Variants in SLC2A9 observed in about 807,000 individuals in gnomAD.
SLC2A9 encodes solute carrier family 2 member 9.
Under a neutral mutation model 50.6 loss-of-function variants are expected in SLC2A9, and 39 were observed. The ratio of observed to expected loss-of-function variants is 0.77; its 90% confidence interval spans 0.60 to 1.01. The LOEUF (loss-of-function observed/expected upper bound fraction) is 1.01. Ranked by LOEUF, SLC2A9 falls within the 50% of genes least tolerant of loss-of-function variation. The pLI is 0.00. For synonymous variants in SLC2A9, 324 were observed against 276.9 expected (o/e 1.17, Z -1.69); for missense variants, 686 against 677.6 (o/e 1.01, Z -0.14).
chr4:9,969,472 C>A (rs567719040), intron 5 of SLC2A9, among the ~76,000 whole-genome samples: 10 of 152,266 alleles, frequency 6.6e-5, no homozygotes, highest in African/African-American at 2.4e-4. Context: ...TTGACAAATA[C>A]TCTTAAATAC....
intron 2 of SLC2A9, among the ~76,000 whole-genome samples, chr4:10,010,242 G>A (rs1266822047): frequency 1.3e-5 from 2 of 152,182 alleles, no homozygotes; most frequent in Non-Finnish European, 2.9e-5. Flanking sequence ...AGCTTCCCTG[G>A]TAGACAACAC....
chr4:9,834,862 G>A lies in SLC2A9; in HGVS notation c.1419+19C>T, dbSNP rs936796885. ...ATCAAAGGGAACCCCATGGGCAAAAGACTCCTTGTCAGTCATACCTGAATG... is the reference window on the plus strand; with the variant it reads ...ATCAAAGGGAACCCCATGGGCAAAAAACTCCTTGTCAGTCATACCTGAATG... On this transcript the variant is annotated intron_variant, in intron 11 of 11. Transcript: ENST00000264784. The A allele has an allele frequency of 1.2e-6, 2 of 1,613,994 alleles. No homozygotes were observed. Among genetic ancestry groups the A allele is most frequent in the African/African-American group, 2.7e-5 (2 of 74,920 alleles).
rs890430607 is a variant in SLC2A9, at chr4:10,018,873, C to A, written c.249+102G>T. 2.0e-5 allele frequency: 23 copies of A among 1,164,546 alleles called. No individual in the cohort carries two copies. In the East Asian group the frequency reaches 3.9e-4, roughly 20 times the overall value. The allele number at this position is 1,164,546 out of a possible 1,614,324, so 72.1% of individuals were successfully genotyped here. ...TCTCTGTCCCCGCGGTGTCCCGCGC[C>A]GCGAGCGCAACAGGAGGGGGCGCTG... On this transcript the variant is annotated intron_variant, in intron 2 of 11. Transcript: ENST00000264784.
intron 5 of SLC2A9, among the ~76,000 whole-genome samples, chr4:9,953,189 T>C (rs1381620287): frequency 6.6e-6 from 1 of 151,358 alleles, no homozygotes; most frequent in Non-Finnish European, 1.5e-5. Context: ...AAGCTTAGCT[T>C]GTGCTGTTTT....
At chr4:9,907,995 C>T (rs569265144) in intron 8 of SLC2A9, among the ~76,000 whole-genome samples, 14 of 152,146 alleles carry the variant, frequency 9.2e-5, no homozygotes, top group Admixed American at 6.5e-4. Context: ...TGAGAATTGT[C>T]GCTCTTCAGT....
At chr4:9,837,134 A>G (rs549132350) in intron 10 of SLC2A9, among the ~76,000 whole-genome samples, 14 of 152,194 alleles carry the variant, frequency 9.2e-5, no homozygotes, top group Non-Finnish European at 1.6e-4. Context: ...ATCAGGCACT[A>G]TCTCCATTTG....
chr4:9,930,498 C>T (rs114284699), intron 6 of SLC2A9, among the ~76,000 whole-genome samples: 131 of 152,284 alleles, frequency 8.6e-4, no homozygotes, highest in African/African-American at 2.8e-3. Context: ...TGGCTCCTGT[C>T]CTCACAGTCC....
At chr4:10,018,104 A>G (rs894319797) in intron 2 of SLC2A9, among the ~76,000 whole-genome samples, 4 of 152,256 alleles carry the variant, frequency 2.6e-5, no homozygotes, top group Non-Finnish European at 5.9e-5. Context: ...CTAGGTAGGC[A>G]GTACCCAACC....
chr4:10,014,104 G>C (rs1762217255), intron 2 of SLC2A9, among the ~76,000 whole-genome samples: 1 of 152,168 alleles, frequency 6.6e-6, no homozygotes, highest in African/African-American at 2.4e-5. Context: ...GCCAGGCTTG[G>C]GTCCTTCCAG....
chr4:9,942,032 G>A lies in SLC2A9; in HGVS notation c.695C>T (p.Pro232Leu). Residue 232 changes from proline to leucine, a missense_variant, in exon 6 of 12, where the codon CCA (proline) becomes CTA (leucine). Physicochemically the swap from Pro to Leu is moderately conservative, Grantham distance 98. Transcript: ENST00000264784. ...GACCACAATCACTCCAAACAGGTAT[G>A]GCCAGGTACTCTCCTGTGGGAGAAG... ...PELLGKESTW[P>L]YLFGVIVVPA... The A allele has an allele frequency of 6.2e-7, 1 of 1,614,124 alleles. No individual in the cohort carries two copies. Among genetic ancestry groups the A allele is most frequent in the Non-Finnish European group, 8.5e-7 (1 of 1,179,990 alleles).
chr4:9,924,856 G>A (rs927402231), intron 6 of SLC2A9, among the ~76,000 whole-genome samples: 2 of 152,084 alleles, frequency 1.3e-5, no homozygotes, highest in African/African-American at 2.4e-5. Context: ...CCCCTTCAGC[G>A]TCTACAGTCC....
rs28505891 is a variant in SLC2A9 at position 9,928,522 on chromosome 4, A to T, written c.815-7950T>A. Among the ~76,000 whole-genome samples, 1,122 of 152,346 alleles carry T rather than the reference A, an allele frequency of 7.4e-3. 7 individuals carry two copies. Among genetic ancestry groups the T allele is most frequent in the Middle Eastern group, 0.044 (13 of 294 alleles). On this transcript the variant is annotated intron_variant, in intron 6 of 11. Transcript: ENST00000264784. ...CAAGGCAGGCAGATCACCCGAGGTCAGGAGTTTGAGACCAGCCTGGCCAAC... is the reference window on the plus strand; with the variant it reads ...CAAGGCAGGCAGATCACCCGAGGTCTGGAGTTTGAGACCAGCCTGGCCAAC...
chr4:9,964,495 A>C (rs565936251), intron 5 of SLC2A9, among the ~76,000 whole-genome samples: 1 of 152,322 alleles, frequency 6.6e-6, no homozygotes, highest in Non-Finnish European at 1.5e-5. Flanking sequence ...TGGCTACAGA[A>C]AATGCCTGGG....
At chr4:9,928,490 G>A (rs1358540572) in intron 6 of SLC2A9, among the ~76,000 whole-genome samples, 1 of 152,224 alleles carries the variant, frequency 6.6e-6, no homozygotes, top group Non-Finnish European at 1.5e-5. Flanking sequence ...CCAGCACTTT[G>A]GGAGGCCAAG....
Position 9,950,892 on chromosome 4 carries a change from CAAAAAAAAA to C in SLC2A9, c.682-8856_682-8848del, listed in dbSNP as rs764863059. Among the ~76,000 whole-genome samples the C allele has an allele frequency of 1.4e-3, 16 of 11,552 alleles. 3 individuals are homozygous for C. The highest frequency in any genetic ancestry group is 4.4e-3 in the African/African-American group (14 of 3,212). The allele number at this position is 11,552 out of a possible 152,430, so 7.6% of individuals were successfully genotyped here. ...TGGGCGACAGAGCGAGACTCCGTCT[CAAAAAAAAA>C]AAAAAAAAAAAAAAAAAAGAAAACA... is the stretch of plus-strand genomic sequence containing the variant. On this transcript the variant is annotated intron_variant, in intron 5 of 11. Coordinates refer to ENST00000264784, the MANE Select transcript of SLC2A9 (RefSeq NM_020041.3).
At chr4:9,794,593 G>T (rs1166679997), downstream of SLC2A9, among the ~76,000 whole-genome samples, 1 of 152,232 alleles carries the variant, frequency 6.6e-6, no homozygotes, top group Non-Finnish European at 1.5e-5. Context: ...TTAAACCTAT[G>T]CTTGTCTGGC....
chr4:9,925,381 C>T (rs1405834473), intron 6 of SLC2A9, among the ~76,000 whole-genome samples: 1 of 152,182 alleles, frequency 6.6e-6, no homozygotes, highest in African/African-American at 2.4e-5. Flanking sequence ...TGTCTGCACA[C>T]CTGCTGTGCC....
intron 10 of SLC2A9, among the ~76,000 whole-genome samples, chr4:9,848,107 A>G (rs1729265196): frequency 6.6e-6 from 1 of 152,168 alleles, no homozygotes. Context: ...TGACTGCTCT[A>G]CTGTGTCCTC....
At chr4:9,820,263 G>A (rs1724220542) in intron 3 of SLC2A9, among the ~76,000 whole-genome samples, 1 of 152,118 alleles carries the variant, frequency 6.6e-6, no homozygotes, top group Non-Finnish European at 1.5e-5. Flanking sequence ...AAATTCAATT[G>A]ATCATTTTTG....
Sources: gnomAD v4.1 joint callset for allele counts (sites outside exome capture counted in the v4.1 genomes callset) on GRCh38, gnomAD v4.1.1 for gene constraint, MANE v1.5 for transcripts, NCBI Gene and HGNC (gene_info 2026-07-23, HGNC 2026-07-21) for gene names.